The following XPO1 variants were observed in gnomAD, a reference collection of about 807,000 sequenced individuals.
XPO1 encodes the protein exportin 1, also known as exportin-1.
XPO1 carries 5 observed loss-of-function variants against 133.3 expected under a neutral mutation model. The observed-to-expected ratio is 0.04, with a 90% CI of 0.02 to 0.08. XPO1 has a LOEUF of 0.08. XPO1 is among the 10% of genes least tolerant of loss of function. The pLI is 1.00. For missense variants in XPO1, 506 were observed against 1,267.5 expected (o/e 0.40, Z 9.12); for synonymous variants, 419 against 408.2 (o/e 1.03, Z -0.32).
intron 10 of XPO1, 123 bp from the exon 11 acceptor site, chr2:61,495,736 A>C: frequency 1.1e-6 from 1 of 945,904 alleles, no homozygotes; most frequent in East Asian, 3.1e-5. Flanking sequence ...CAGTGGTATG[A>C]CCAAAGCTCA....
chr2:61,499,699 T>C lies in XPO1; in HGVS notation c.590+14A>G. 1 of 1,557,992 alleles carries C rather than the reference T, an allele frequency of 6.4e-7. No individual in the cohort carries two copies. The highest frequency in any genetic ancestry group is 8.6e-7 in the Non-Finnish European group (1 of 1,159,144). On this transcript the variant is annotated intron_variant, in intron 7 of 24. Coordinates refer to ENST00000401558, the MANE Select transcript of XPO1 (RefSeq NM_003400.4). ...GAAATCACTTTAAAATTCTAAAACATAATTATTACTTGCCTGTCTTTTAAA... is the reference window on the plus strand; with the variant it reads ...GAAATCACTTTAAAATTCTAAAACACAATTATTACTTGCCTGTCTTTTAAA...
At chr2:61,518,422 ACACACAC>A (rs1235716183) in intron 4 of XPO1, among the ~76,000 whole-genome samples, 2 of 19,328 alleles carry the variant, frequency 1.0e-4, no homozygotes, top group African/African-American at 2.8e-4. Context: ...AACAAAACAC[ACACACAC>A]ACACACACAC....
At chr2:61,500,949 C>T (rs944416016) in intron 6 of XPO1, among the ~76,000 whole-genome samples, 1 of 152,132 alleles carries the variant, frequency 6.6e-6, no homozygotes, top group East Asian at 1.9e-4. Context: ...AAAGAGAGGA[C>T]GCACTGCAAT....
intron 4 of XPO1, among the ~76,000 whole-genome samples, chr2:61,512,317 T>C: frequency 6.6e-6 from 1 of 152,218 alleles, no homozygotes; most frequent in Middle Eastern, 3.2e-3. Context: ...AAACTTACAT[T>C]ATCATCTAGT....
At chr2:61,534,134 G>C (rs1699269105) in intron 1 of XPO1, 1 of 356,116 alleles carries the variant, frequency 2.8e-6, no homozygotes, top group African/African-American at 2.1e-5. Flanking sequence ...CTAGTGTTTA[G>C]TTTATACACC....
At chr2:61,497,735 G>T (rs531520806) in intron 9 of XPO1, among the ~76,000 whole-genome samples, 1 of 152,112 alleles carries the variant, frequency 6.6e-6, no homozygotes, top group Non-Finnish European at 1.5e-5. Context: ...AACAGTTATC[G>T]TCTGGGGTTG....
intron 21 of XPO1, 177 bp from the exon 22 acceptor site, chr2:61,483,268 A>G (rs901290760): frequency 1.2e-5 from 7 of 579,070 alleles, no homozygotes; most frequent in East Asian, 9.6e-5. Context: ...ACTATATCCA[A>G]TGCTGGCTTA....
chr2:61,493,854 G>C (rs1221615502), intron 12 of XPO1, 40 bp downstream of exon 12: 3 of 1,604,130 alleles, frequency 1.9e-6, no homozygotes, highest in Non-Finnish European at 1.7e-6. Flanking sequence ...CAAAACCACA[G>C]TATGCAACAG....
At chr2:61,489,185 G>A (rs1391267031) in intron 17 of XPO1, among the ~76,000 whole-genome samples, 2 of 151,928 alleles carry the variant, frequency 1.3e-5, no homozygotes, top group Admixed American at 6.6e-5. Context: ...AGGCTGAGTC[G>A]GGTGCATCAC....
chr2:61,503,394 G>A (rs1033059317), intron 4 of XPO1, among the ~76,000 whole-genome samples: 5 of 151,516 alleles, frequency 3.3e-5, no homozygotes, highest in Non-Finnish European at 5.9e-5. Flanking sequence ...CTGAGCAGCT[G>A]GGATTACAGG....
intron 2 of XPO1, among the ~76,000 whole-genome samples, chr2:61,531,404 A>C (rs1699149410): frequency 6.6e-6 from 1 of 152,240 alleles, no homozygotes; most frequent in South Asian, 2.1e-4. Context: ...TTTTATTAAC[A>C]AGTCAATTTT....
intron 4 of XPO1, among the ~76,000 whole-genome samples, chr2:61,504,999 T>C (rs985087404): frequency 1.3e-5 from 2 of 152,228 alleles, no homozygotes; most frequent in African/African-American, 2.4e-5. Flanking sequence ...AATAGGGAAA[T>C]GGAAAATATA....
chr2:61,504,619 T>C (rs929467559), intron 4 of XPO1, among the ~76,000 whole-genome samples: 1 of 152,172 alleles, frequency 6.6e-6, no homozygotes, highest in South Asian at 2.1e-4. Flanking sequence ...CTGGCATATA[T>C]AGAACTGAGT....
At chr2:61,495,893 C>G (rs947936052) in intron 10 of XPO1, among the ~76,000 whole-genome samples, 1 of 152,050 alleles carries the variant, frequency 6.6e-6, no homozygotes, top group African/African-American at 2.4e-5. Context: ...TGGTCTCAAA[C>G]TCCTGGCTCA....
intron 4 of XPO1, among the ~76,000 whole-genome samples, chr2:61,504,323 C>G (rs900193456): frequency 1.3e-5 from 2 of 152,146 alleles, no homozygotes; most frequent in Non-Finnish European, 2.9e-5. Context: ...TCCAAAATCA[C>G]AGGGTTCAAG....
intron 19 of XPO1, among the ~76,000 whole-genome samples, chr2:61,486,543 G>A (rs767443967): frequency 4.6e-5 from 7 of 152,002 alleles, no homozygotes; most frequent in Admixed American, 1.3e-4. Context: ...TGCAAGCTCC[G>A]CCTCCAGGTT....
intron 4 of XPO1, among the ~76,000 whole-genome samples, chr2:61,506,668 CAG>C (rs1419901157): frequency 6.7e-6 from 1 of 149,784 alleles, no homozygotes; most frequent in Non-Finnish European, 1.5e-5. Context: ...GCCTGGGCGA[CAG>C]AGTGAGACTC....
At chr2:61,490,522 A>G in intron 17 of XPO1, 120 bp downstream of exon 17, 1 of 1,363,666 alleles carries the variant, frequency 7.3e-7, no homozygotes, top group Non-Finnish European at 1.0e-6. Context: ...ATAGAAAGAC[A>G]CACATAAAAG....
At chr2:61,510,529 A>G (rs1479716661) in intron 4 of XPO1, among the ~76,000 whole-genome samples, 2 of 152,246 alleles carry the variant, frequency 1.3e-5, no homozygotes, top group African/African-American at 4.8e-5. Flanking sequence ...AAATGGATCT[A>G]TATGCACATC....
Sources: gnomAD v4.1 joint callset for allele counts (sites outside exome capture counted in the v4.1 genomes callset) on GRCh38, gnomAD v4.1.1 for gene constraint, MANE v1.5 for transcripts, NCBI Gene and HGNC (gene_info 2026-07-23, HGNC 2026-07-21) for gene names.